NFIA: variants seen among roughly 807,000 people sequenced by gnomAD.
The protein encoded by NFIA is nuclear factor 1 A-type.
NFIA carries 8 observed loss-of-function variants against 62.8 expected under a neutral mutation model. That is an observed-to-expected ratio of 0.13 (90% CI 0.07 to 0.23). NFIA has a LOEUF of 0.23. Among genes scored for constraint, NFIA ranks in the 10% least tolerant of loss-of-function variants. The probability of loss-of-function intolerance (pLI) is 1.00; values close to 1 mark genes in which losing one functional copy is unlikely to be tolerated. For missense variants in NFIA, 410 were observed against 642.1 expected, an observed-to-expected ratio of 0.64 and a Z score of 3.91; for synonymous variants, 235 against 238.1, an observed-to-expected ratio of 0.99 and a Z score of 0.12.
At chr1:61,409,848 A>T (rs1439638895) in intron 9 of NFIA, among the ~76,000 whole-genome samples, 1 of 152,224 alleles carries the variant, frequency 6.6e-6, no homozygotes, top group South Asian at 2.1e-4. Context: ...AGTCATGTCC[A>T]GTTTTTCCTT....
intron 9 of NFIA, among the ~76,000 whole-genome samples, chr1:61,424,734 T>C (rs1001434607): frequency 2.1e-4 from 32 of 152,292 alleles, no homozygotes; most frequent in African/African-American, 7.5e-4. Context: ...ATAATTATAG[T>C]CTCTCCTTTT....
intron 2 of NFIA, among the ~76,000 whole-genome samples, chr1:61,115,153 G>GTATTTT (rs1646774354): frequency 6.6e-6 from 1 of 152,064 alleles, no homozygotes; most frequent in South Asian, 2.1e-4. Flanking sequence ...CTAACTTTTT[G>GTATTTT]TATTTTTAGC....
intron 3 of NFIA, among the ~76,000 whole-genome samples, chr1:61,280,382 T>C (rs1658059143): frequency 6.6e-6 from 1 of 152,248 alleles, no homozygotes. Flanking sequence ...TCTTGCTGAT[T>C]GAAGAAGTAA....
chr1:61,264,433 C>G (rs1657005905), intron 2 of NFIA, among the ~76,000 whole-genome samples: 1 of 151,910 alleles, frequency 6.6e-6, no homozygotes, highest in Non-Finnish European at 1.5e-5. Flanking sequence ...TGCTTGAGCT[C>G]AGGAGTTCAG....
At chr1:61,079,460 AT>A (rs1202292321), upstream of NFIA, among the ~76,000 whole-genome samples, 6 of 152,222 alleles carry the variant, frequency 3.9e-5, no homozygotes, top group African/African-American at 1.4e-4. Flanking sequence ...GTTTCTGCAA[AT>A]AAAACACAGT....
intron 2 of NFIA, among the ~76,000 whole-genome samples, chr1:61,166,645 C>T (rs1429063496): frequency 1.3e-5 from 2 of 151,612 alleles, no homozygotes; most frequent in East Asian, 3.9e-4. Context: ...TGATAATGTA[C>T]TTAGTGAAGA....
At chr1:61,231,837 C>T (rs1654689175) in intron 2 of NFIA, among the ~76,000 whole-genome samples, 1 of 150,810 alleles carries the variant, frequency 6.6e-6, no homozygotes, top group African/African-American at 2.4e-5. Flanking sequence ...GAGACCATGC[C>T]TCAGTGTAAA....
intron 2 of NFIA, among the ~76,000 whole-genome samples, chr1:61,226,105 A>G (rs1654313184): frequency 6.6e-6 from 1 of 152,244 alleles, no homozygotes; most frequent in Non-Finnish European, 1.5e-5. Context: ...ACCCAACTTT[A>G]GAAGAAAGTA....
chr1:61,263,809 A>G (rs900130917), intron 2 of NFIA, among the ~76,000 whole-genome samples: 3 of 152,098 alleles, frequency 2.0e-5, no homozygotes, highest in African/African-American at 7.2e-5. Context: ...AGCCTGGCCA[A>G]CGTAGCCCTG....
intron 2 of NFIA, among the ~76,000 whole-genome samples, chr1:61,135,954 G>GA (rs1557589953): frequency 6.6e-6 from 1 of 152,066 alleles, no homozygotes; most frequent in South Asian, 2.1e-4. Context: ...AAGGGCTATT[G>GA]AAAAAAATCA....
intron 2 of NFIA, among the ~76,000 whole-genome samples, chr1:61,185,223 T>G (rs923468498): frequency 1.1e-4 from 16 of 152,300 alleles, no homozygotes; most frequent in African/African-American, 3.8e-4. Flanking sequence ...CCACTATACC[T>G]GTTTCCACAT....
chr1:61,341,566 C>A (rs1045342645), intron 4 of NFIA, among the ~76,000 whole-genome samples: 8 of 151,794 alleles, frequency 5.3e-5, no homozygotes, highest in African/African-American at 1.2e-4. Flanking sequence ...GTAACTCCAC[C>A]TCCCAGGCCC....
At chr1:61,378,237 C>T (rs898981933) in intron 6 of NFIA, among the ~76,000 whole-genome samples, 12 of 152,062 alleles carry the variant, frequency 7.9e-5, no homozygotes, top group African/African-American at 2.9e-4. Flanking sequence ...TAGGGGAGAC[C>T]CCAAGAATTT....
chr1:61,182,699 C>G (rs1650837004), intron 2 of NFIA, among the ~76,000 whole-genome samples: 1 of 152,176 alleles, frequency 6.6e-6, no homozygotes, highest in Non-Finnish European at 1.5e-5. Context: ...AAAAAAATTA[C>G]TTAAAATAAG....
intron 7 of NFIA, among the ~76,000 whole-genome samples, chr1:61,396,556 T>G (rs1228633643): frequency 6.6e-6 from 1 of 152,142 alleles, no homozygotes; most frequent in African/African-American, 2.4e-5. Flanking sequence ...CGAAAAGTAT[T>G]TCTAGTAGTC....
At chr1:61,417,491 G>T (rs541830129) in intron 9 of NFIA, among the ~76,000 whole-genome samples, 15 of 151,368 alleles carry the variant, frequency 9.9e-5, no homozygotes, top group Admixed American at 7.2e-4. Context: ...ATGTATTTTT[G>T]TCCCCAACTC....
chr1:61,112,692 T>G (rs1291621814), intron 2 of NFIA, among the ~76,000 whole-genome samples: 1 of 152,202 alleles, frequency 6.6e-6, no homozygotes, highest in African/African-American at 2.4e-5. Flanking sequence ...TAGAGGGTGA[T>G]TTAATAAACT....
chr1:61,104,773 C>G (rs1218680478), intron 2 of NFIA, among the ~76,000 whole-genome samples: 1 of 151,798 alleles, frequency 6.6e-6, no homozygotes, highest in East Asian at 1.9e-4. Context: ...TTTTTTAAAA[C>G]TAAGATCTTA....
upstream of NFIA, among the ~76,000 whole-genome samples, chr1:61,081,253 G>A (rs1437629181): frequency 1.3e-5 from 2 of 150,192 alleles, no homozygotes; most frequent in African/African-American, 2.5e-5. Flanking sequence ...GAAAATATGA[G>A]GTTAAAAAAA....
Sources: allele counts gnomAD v4.1 joint callset (sites outside exome capture counted in the v4.1 genomes callset), GRCh38; gene constraint gnomAD v4.1.1; transcripts MANE v1.5; gene names NCBI Gene and HGNC (gene_info 2026-07-23, HGNC 2026-07-21).